Variants in CNOT6 observed in about 807,000 individuals in gnomAD.
The protein encoded by CNOT6 is carbon catabolite repression 4 protein.
A neutral mutation model predicts 61.2 loss-of-function variants in CNOT6; 12 were observed. The ratio of observed to expected loss-of-function variants is 0.20; its 90% CI spans 0.13 to 0.32. The LOEUF (loss-of-function observed/expected upper bound fraction) is 0.32. Among genes scored for constraint, CNOT6 ranks in the 10% least tolerant of loss-of-function variants. CNOT6 has a pLI of 1.00. For missense variants in CNOT6, 405 were observed against 663.9 expected, an observed-to-expected ratio of 0.61 and a Z score of 4.28; for synonymous variants, 225 against 240.6, an observed-to-expected ratio of 0.94 and a Z score of 0.60.
intron 1 of CNOT6, among the ~76,000 whole-genome samples, chr5:180,522,803 A>C (rs1265765792): frequency 6.6e-6 from 1 of 152,058 alleles, no homozygotes; most frequent in Admixed American, 6.6e-5. Flanking sequence ...AGGGCATGGA[A>C]GCTCTGCACC....
intron 10 of CNOT6, among the ~76,000 whole-genome samples, chr5:180,570,345 G>A (rs902243329): frequency 4.6e-5 from 7 of 152,044 alleles, no homozygotes; most frequent in Admixed American, 2.6e-4. Flanking sequence ...GTGACAGAAC[G>A]AGACTATAAA....
In CNOT6 at chr5:180,497,733, G is replaced by A. The variant is rs554126644; in HGVS notation, c.-3+2970G>A. On this transcript the variant is annotated intron_variant, in intron 1 of 11. Coordinates refer to ENST00000261951, the MANE Select transcript of CNOT6 (RefSeq NM_001370472.1). ...ATAACAAAAGTGTGATTAATAAAAC[G>A]CTGTGTATGTGAAATTAAGAATTGC... is the stretch of plus-strand genomic sequence containing the variant. 3.5e-4 allele frequency among the ~76,000 whole-genome samples: 54 copies of A among 152,194 alleles called. 1 individual carries two copies. Among genetic ancestry groups the A allele is most frequent in the African/African-American group, 1.2e-3 (51 of 41,524 alleles).
chr5:180,529,959 AT>A (rs776977113), intron 2 of CNOT6, among the ~76,000 whole-genome samples: 26 of 152,228 alleles, frequency 1.7e-4, no homozygotes, highest in Non-Finnish European at 3.5e-4. Flanking sequence ...TCAAAGAAAT[AT>A]ATGAGCCCTC....
At chr5:180,499,868 G>A (rs1395624939) in intron 1 of CNOT6, among the ~76,000 whole-genome samples, 2 of 152,184 alleles carry the variant, frequency 1.3e-5, no homozygotes, top group Non-Finnish European at 2.9e-5. Flanking sequence ...AACACGAGAA[G>A]CAAATAGGTG....
chr5:180,499,633 C>T (rs986941878), intron 1 of CNOT6, among the ~76,000 whole-genome samples: 1 of 152,180 alleles, frequency 6.6e-6, no homozygotes, highest in Admixed American at 6.5e-5. Context: ...TGGGGTACAG[C>T]ACTCTAAAGC....
chr5:180,537,984 G>A (rs138729007), intron 2 of CNOT6, among the ~76,000 whole-genome samples: 3 of 150,408 alleles, frequency 2.0e-5, no homozygotes, highest in Non-Finnish European at 3.0e-5. Flanking sequence ...AGAGGCCAGT[G>A]TGGGTAGATT....
chr5:180,525,841 C>G lies in CNOT6; in HGVS notation c.-2-3434C>G, dbSNP rs562517369. On this transcript the variant is annotated intron_variant, in intron 1 of 11. Transcript: ENST00000261951. ...TCTAGGCGGGGGCGATCATCTATAT[C>G]AAATGCTGATCATAAGCAAAAAGAG... Among the ~76,000 whole-genome samples, 49 of 152,170 alleles carry G rather than the reference C, an allele frequency of 3.2e-4. No individual in the cohort carries two copies. The South Asian group carries it at 4.6e-3, about 14-fold the overall frequency.
chr5:180,535,044 C>A (rs1034804949), intron 2 of CNOT6, among the ~76,000 whole-genome samples: 1 of 104,668 alleles, frequency 9.6e-6, no homozygotes, highest in Admixed American at 9.7e-5. Flanking sequence ...TGGCATGGGC[C>A]GGAGTCCCTG....
At chr5:180,546,765 C>G (rs1030311437) in intron 2 of CNOT6, among the ~76,000 whole-genome samples, 1 of 152,206 alleles carries the variant, frequency 6.6e-6, no homozygotes, top group East Asian at 1.9e-4. Flanking sequence ...AATTTCCTAT[C>G]AGGTAGATCA....
rs572478550 is a variant in CNOT6, at chr5:180,566,552, CAAT to C, written c.718-535_718-533del. Among the ~76,000 whole-genome samples the C allele has an allele frequency of 7.0e-3, 1,055 of 150,514 alleles. 11 individuals are homozygous for C. Among genetic ancestry groups the C allele is most frequent in the Non-Finnish European group, 0.012 (833 of 67,742 alleles). Reference sequence around the variant, plus strand: ...TCTTTCACTCACTGTTCTTAAACAACAATGAGTTGCCCTTGGTACCTAGTACCT... The same window carrying C: ...TCTTTCACTCACTGTTCTTAAACAACGAGTTGCCCTTGGTACCTAGTACCT... On this transcript the variant is annotated intron_variant, in intron 7 of 11. Transcript: ENST00000261951.
At chr5:180,536,111 T>C (rs1332189021) in intron 2 of CNOT6, among the ~76,000 whole-genome samples, 1 of 145,200 alleles carries the variant, frequency 6.9e-6, no homozygotes, top group East Asian at 2.3e-4. Context: ...TTCTCCTGCC[T>C]CAGCCTCCTG....
chr5:180,498,579 G>A (rs1756721512), intron 1 of CNOT6, among the ~76,000 whole-genome samples: 1 of 152,168 alleles, frequency 6.6e-6, no homozygotes, highest in South Asian at 2.1e-4. Context: ...GGAATGACTC[G>A]AGATGAGCCT....
At chr5:180,555,696 C>T (rs1469839397) in intron 4 of CNOT6, among the ~76,000 whole-genome samples, 1 of 152,158 alleles carries the variant, frequency 6.6e-6, no homozygotes, top group African/African-American at 2.4e-5. Context: ...GCAATTGTAT[C>T]ATCTTTGCCC....
In CNOT6 at chr5:180,550,120, A is replaced by T. The variant is rs1009067053; in HGVS notation, c.299+3A>T. 1 of 1,612,870 alleles carries T rather than the reference A, an allele frequency of 6.2e-7. No homozygotes were observed. The highest frequency in any genetic ancestry group is 1.1e-5 in the South Asian group (1 of 91,040). ...CTCGGAAACATGGTATCACTCAGGT[A>T]TGCAGATTCAACTTAATACATACTA... On this transcript the variant is annotated splice_donor_region_variant and intron_variant, in intron 3 of 11. Coordinates refer to ENST00000261951, the MANE Select transcript of CNOT6 (RefSeq NM_001370472.1).
chr5:180,496,300 T>C (rs1429538288), intron 1 of CNOT6, among the ~76,000 whole-genome samples: 3 of 152,190 alleles, frequency 2.0e-5, no homozygotes, highest in African/African-American at 7.2e-5. Flanking sequence ...TGTTTTGCTT[T>C]AAACAAAATA....
intron 11 of CNOT6, among the ~76,000 whole-genome samples, chr5:180,571,670 A>G (rs919491577): frequency 1.3e-5 from 2 of 152,102 alleles, no homozygotes; most frequent in African/African-American, 4.8e-5. Context: ...GGCTCAAACG[A>G]TCCTCTCACC....
At chr5:180,535,136 G>A (rs1245846814) in intron 2 of CNOT6, among the ~76,000 whole-genome samples, 3 of 152,266 alleles carry the variant, frequency 2.0e-5, no homozygotes, top group Admixed American at 2.0e-4. Flanking sequence ...TGATTCGTGG[G>A]GTGGAGGACA....
intron 1 of CNOT6, among the ~76,000 whole-genome samples, chr5:180,528,590 T>C (rs1170379163): frequency 1.3e-5 from 2 of 152,070 alleles, no homozygotes; most frequent in African/African-American, 2.4e-5. Context: ...GCTGGGATTA[T>C]AGGCGTGAGC....
intron 2 of CNOT6, among the ~76,000 whole-genome samples, chr5:180,530,379 C>A (rs923510200): frequency 6.6e-6 from 1 of 152,052 alleles, no homozygotes; most frequent in Admixed American, 6.5e-5. Flanking sequence ...CAAAACATAA[C>A]AAATCTAGGT....
Sources: gnomAD v4.1 joint callset for allele counts (sites outside exome capture counted in the v4.1 genomes callset) on GRCh38, gnomAD v4.1.1 for gene constraint, MANE v1.5 for transcripts, NCBI Gene and HGNC (gene_info 2026-07-23, HGNC 2026-07-21) for gene names.